NOTCH2: variants seen among roughly 807,000 people sequenced by gnomAD.
NOTCH2 encodes the protein neurogenic locus notch homolog protein 2.
Under a neutral mutation model 235.8 loss-of-function variants are expected in NOTCH2, and 29 were observed. That is an observed-to-expected ratio of 0.12 (90% CI 0.09 to 0.17). NOTCH2 has a LOEUF of 0.17. NOTCH2 is among the 10% of genes least tolerant of loss of function. The pLI is 1.00. For missense variants in NOTCH2, 2,285 were observed against 3,150.2 expected (o/e 0.73, Z 6.57); for synonymous variants, 1,086 against 1,141.5 (o/e 0.95, Z 0.98).
chr1:120,002,004 C>T lies in NOTCH2; in HGVS notation c.415+3325G>A, dbSNP rs372042226. Reference sequence around the variant, plus strand: ...GAAGGCTGTGTATGCTCTGAATCAGCGTCCAATATGTGGTACTGCTTCTCC... The same window carrying T: ...GAAGGCTGTGTATGCTCTGAATCAGTGTCCAATATGTGGTACTGCTTCTCC... On this transcript the variant is annotated intron_variant, in intron 3 of 33. Transcript: ENST00000256646. Among the ~76,000 whole-genome samples the T allele has an allele frequency of 4.7e-4, 72 of 151,938 alleles. No homozygotes were observed. In the East Asian group the frequency reaches 6.2e-3, roughly 13 times the overall value.
intron 24 of NOTCH2, 59 bp downstream of exon 24, chr1:119,926,440 G>C (rs1186094889): frequency 1.4e-5 from 18 of 1,262,488 alleles, no homozygotes; most frequent in Non-Finnish European, 2.0e-5. Context: ...TCTCAGTTCT[G>C]TTCACAGATT....
rs182891458 is a variant in NOTCH2 at position 119,922,569 on chromosome 1, T to C, written c.5002+67A>G. 3.3e-5 allele frequency: 53 copies of C among 1,610,796 alleles called. No homozygotes were observed. The African/African-American group carries it at 5.7e-4, about 17-fold the overall frequency. On this transcript the variant is annotated intron_variant, in intron 27 of 33. Coordinates refer to ENST00000256646, the MANE Select transcript of NOTCH2 (RefSeq NM_024408.4). Reference sequence around the variant, plus strand: ...CCTGAAAAAATAGAGGGCTACATAATGAAAATTGTTCCCCCAATTGACACT... The same window carrying C: ...CCTGAAAAAATAGAGGGCTACATAACGAAAATTGTTCCCCCAATTGACACT...
At chr1:119,941,495 G>C in intron 18 of NOTCH2, 31 bp downstream of exon 18, 1 of 1,475,520 alleles carries the variant, frequency 6.8e-7, no homozygotes, top group South Asian at 1.1e-5. Context: ...TCTCTCGTAA[G>C]ATGCTGATGC....
chr1:119,973,037 A>T (rs1651425736), intron 5 of NOTCH2, among the ~76,000 whole-genome samples: 1 of 152,178 alleles, frequency 6.6e-6, no homozygotes, highest in African/African-American at 2.4e-5. Flanking sequence ...TTTGAATGAG[A>T]CTGAATTTTG....
intron 1 of NOTCH2, among the ~76,000 whole-genome samples, chr1:120,042,973 A>T (rs1322330898): frequency 6.7e-6 from 1 of 149,280 alleles, no homozygotes; most frequent in Non-Finnish European, 1.5e-5. Flanking sequence ...CTCTAATGTG[A>T]GTTCCAGAAG....
intron 1 of NOTCH2, among the ~76,000 whole-genome samples, chr1:120,050,288 AG>A (rs1654954608): frequency 1.3e-5 from 1 of 79,982 alleles, no homozygotes; most frequent in Non-Finnish European, 2.7e-5. Flanking sequence ...ATACCTTCCA[AG>A]GGCAAAAGGG....
rs1405521298 is a variant in NOTCH2, at chr1:119,916,517, G to T, written c.6205C>A (p.Pro2069Thr). Residue 2069 changes from proline (P) to threonine (T), a missense_variant, in exon 34 of 34, where the codon CCA becomes ACA. Physicochemically the swap from Pro to Thr is conservative, Grantham distance 38. This residue lies in a region of NOTCH2 where 504 missense variants were observed against 538.0 expected (regional missense o/e 0.94). Transcript: ENST00000256646. ...GTCAACACGGTGCCTGGAGGGCTTG[G>T]GGTCACATTGTATTCATCCAGAAGG... The part of the protein sequence containing the change: ...VRLLDEYNVT[P>T]SPPGTVLTSA... 1 of 1,612,686 alleles carries T rather than the reference G, an allele frequency of 6.2e-7. No homozygotes were observed. The highest frequency in any genetic ancestry group is 8.5e-7 in the Non-Finnish European group (1 of 1,178,730).
At chr1:120,000,697 T>C (rs1384496756) in intron 3 of NOTCH2, among the ~76,000 whole-genome samples, 2 of 149,776 alleles carry the variant, frequency 1.3e-5, no homozygotes, top group African/African-American at 4.9e-5. Flanking sequence ...ATTAAAATAT[T>C]TTAAGTGGGT....
At position 119,916,675 on chromosome 1, in the gene NOTCH2, A is replaced by C; in HGVS notation, c.6047T>G (p.Leu2016Arg). The stretch of plus-strand genomic sequence containing the variant: ...TTCATAGCTCCCCTCCCGGGCAGCA[A>C]GAAACAGAGGTGTCTCTTCCTACAG... ...QDNKEETPLF[L>R]AAREGSYEAA... Residue 2016 changes from leucine (L) to arginine (R), a missense_variant, in exon 34 of 34, where the codon CTT (leucine) becomes CGT (arginine). Physicochemically the swap from Leu to Arg is moderately radical, Grantham distance 102. Around this residue, in one of 6 missense-constraint regions of NOTCH2, gnomAD observed 128 missense variants for 255.9 expected, o/e 0.50. Transcript: ENST00000256646. The C allele has an allele frequency of 1.9e-6, 3 of 1,614,214 alleles. No individual in the cohort carries two copies. The highest frequency in any genetic ancestry group is 2.5e-6 in the Non-Finnish European group (3 of 1,180,044).
chr1:119,981,875 G>A (rs1253295984), intron 5 of NOTCH2, among the ~76,000 whole-genome samples: 1 of 151,862 alleles, frequency 6.6e-6, no homozygotes, highest in East Asian at 1.9e-4. Flanking sequence ...AAAGAGAGCA[G>A]CTTTGAAATA....
chr1:119,955,269 ATGCT>A (rs1553198276), intron 12 of NOTCH2, 37 bp from the exon 13 acceptor site: 2 of 1,587,652 alleles, frequency 1.3e-6, no homozygotes, highest in Non-Finnish European at 1.7e-6. Flanking sequence ...CACATCCTAA[ATGCT>A]TAGGAAATAG....
chr1:120,005,187 G>T, intron 3 of NOTCH2, 142 bp downstream of exon 3: 1 of 962,500 alleles, frequency 1.0e-6, no homozygotes, highest in Non-Finnish European at 1.7e-6. Context: ...TAGTTGTCTG[G>T]AACATCCCAG....
chr1:119,935,483 G>A lies in NOTCH2; in HGVS notation c.3644C>T (p.Pro1215Leu). Residue 1215 changes from proline to leucine, a missense_variant, in exon 22 of 34, where the codon CCA (proline) becomes CTA (leucine). Coordinates refer to ENST00000256646, the MANE Select transcript of NOTCH2 (RefSeq NM_024408.4). ...GGATGATTTCATACCCCGAGTGCCT[G>A]GTGGGCAAGAGCACTTGAAATGGTT... The part of the protein sequence containing the change: ...LVNHFKCSCP[P>L]GTRGLLCEEN... 1.9e-6 allele frequency: 3 copies of A among 1,614,208 alleles called. No individual in the cohort carries two copies. The highest frequency in any genetic ancestry group is 2.2e-5 in the South Asian group (2 of 91,084).
At chr1:119,964,713 A>C (rs587601915) in intron 10 of NOTCH2, among the ~76,000 whole-genome samples, 1 of 152,342 alleles carries the variant, frequency 6.6e-6, no homozygotes, top group East Asian at 1.9e-4. Flanking sequence ...TAATGTCTTG[A>C]ATTACATAAA....
At chr1:119,979,798 T>A (rs1651740506) in intron 5 of NOTCH2, among the ~76,000 whole-genome samples, 1 of 151,142 alleles carries the variant, frequency 6.6e-6, no homozygotes, top group African/African-American at 2.5e-5. Context: ...GAAACCCAGA[T>A]TATTTATACA....
Position 119,919,602 on chromosome 1 carries a change from G to T in NOTCH2, c.5491C>A (p.Pro1831Thr). 6.2e-7 allele frequency: 1 copy of T among 1,614,022 alleles called. No homozygotes were observed. Among genetic ancestry groups the T allele is most frequent in the Non-Finnish European group, 8.5e-7 (1 of 1,179,982 alleles). ...CCTCGGAGAGAAGCCAACATCAATG[G>T]GGTGCAGCCATCTGTAGGAATGGAA... ...VNVRGPDGCTPLMLASLRGGS... is the reference protein window; with the variant it reads ...VNVRGPDGCTTLMLASLRGGS... Residue 1831 changes from proline (P) to threonine (T), a missense_variant, in exon 31 of 34, where the codon CCA becomes ACA. Physicochemically the swap from Pro to Thr is conservative, Grantham distance 38. Transcript: ENST00000256646.
intron 2 of NOTCH2, among the ~76,000 whole-genome samples, chr1:120,011,817 C>T (rs1653203347): frequency 6.6e-6 from 1 of 151,684 alleles, no homozygotes; most frequent in South Asian, 2.1e-4. Context: ...GAGATCGAGA[C>T]CATCCTGGCT....
chr1:119,975,659 A>G (rs975827864), intron 5 of NOTCH2, among the ~76,000 whole-genome samples: 3 of 151,896 alleles, frequency 2.0e-5, no homozygotes, highest in Admixed American at 6.6e-5. Flanking sequence ...AAAAAAAAAA[A>G]AAAAAATTAT....
intron 1 of NOTCH2, among the ~76,000 whole-genome samples, chr1:120,053,728 G>A (rs1276740543): frequency 7.4e-6 from 1 of 135,912 alleles, no homozygotes; most frequent in African/African-American, 3.2e-5. Context: ...AAGGTCTAGA[G>A]ACAAATGTTC....
Sources: allele counts gnomAD v4.1 joint callset (sites outside exome capture counted in the v4.1 genomes callset), GRCh38; gene constraint gnomAD v4.1.1; regional missense constraint gnomAD v4.1.1; transcripts MANE v1.5; gene names NCBI Gene and HGNC (gene_info 2026-07-23, HGNC 2026-07-21).